TMEM9B: variants seen among roughly 807,000 people sequenced by gnomAD.
The protein encoded by TMEM9B is transmembrane protein 9B.
Under a neutral mutation model 23.5 loss-of-function variants are expected in TMEM9B, and 8 were observed. The ratio of observed to expected loss-of-function variants is 0.34; its 90% CI spans 0.20 to 0.61. The LOEUF is 0.61. Among genes scored for constraint, TMEM9B ranks in the 20% least tolerant of loss-of-function variants. TMEM9B has a pLI of 0.78. For synonymous variants in TMEM9B, 106 were observed against 96.3 expected (o/e 1.10, Z -0.59); for missense variants, 197 against 252.3 (o/e 0.78, Z 1.49).
Position 8,957,073 on chromosome 11 carries a change from G to A in TMEM9B, c.198-775C>T, listed in dbSNP as rs1853988521. ...TATGAATGACTAACCACGTTTAACAGCGTGGTAAATTCTGAAACTCTGAAA... is the reference window on the plus strand; with the variant it reads ...TATGAATGACTAACCACGTTTAACAACGTGGTAAATTCTGAAACTCTGAAA... On this transcript the variant is annotated intron_variant, in intron 2 of 4. Transcript: ENST00000534025. The surrounding 1 kb of genome is among the most constrained non-coding windows in gnomAD (Gnocchi z 4.3). 6.6e-6 allele frequency among the ~76,000 whole-genome samples: 1 copy of A among 152,188 alleles called. No individual in the cohort carries two copies. The highest frequency in any genetic ancestry group is 6.5e-5 in the Admixed American group (1 of 15,290).
chr11:8,961,754 C>A (rs1854087545), intron 2 of TMEM9B, among the ~76,000 whole-genome samples: 1 of 152,182 alleles, frequency 6.6e-6, no homozygotes, highest in African/African-American at 2.4e-5. Flanking sequence ...GGCTTGCTAA[C>A]CTTCCACTGA....
intron 3 of TMEM9B, among the ~76,000 whole-genome samples, chr11:8,954,843 A>C (rs1378629152): frequency 6.6e-6 from 1 of 151,980 alleles, no homozygotes; most frequent in African/African-American, 2.4e-5. Flanking sequence ...GGGGAAAGGA[A>C]TGGGAAGTGC....
In TMEM9B at chr11:8,947,612, T is replaced by TTAGAG. The variant is rs1013750938; in HGVS notation, c.*703_*707dup. 1 of 152,652 alleles carries TTAGAG rather than the reference T, an allele frequency of 6.6e-6. No homozygotes were observed. The highest frequency in any genetic ancestry group is 2.4e-5 in the African/African-American group (1 of 41,454). 9.5% of individuals were successfully genotyped at this position (152,652 alleles called of 1,614,324 possible). ...CACACACCAAGACTATGTTTAGTCT[T>TTAGAG]TAGAGTAAACTAGCAAATGGCCAGT... On this transcript the variant is annotated 3_prime_UTR_variant, in exon 5 of 5. Transcript: ENST00000534025.
At chr11:8,964,076 G>T (rs1031575846) in intron 1 of TMEM9B, 133 bp downstream of exon 1, 9 of 873,848 alleles carry the variant, frequency 1.0e-5, no homozygotes, top group Non-Finnish European at 1.5e-5. Flanking sequence ...TGGCGGCGGG[G>T]GTCTGCCGGA....
Position 8,948,448 on chromosome 11 carries a change from C to A in TMEM9B, c.469G>T (p.Asp157Tyr). The change falls in exon 5 of 5, where the codon GAT becomes TAT. Residue 157 changes from aspartate (D) to tyrosine (Y), a missense_variant. Physicochemically the swap from Asp to Tyr is radical, Grantham distance 160. Coordinates refer to ENST00000534025, the MANE Select transcript of TMEM9B (RefSeq NM_020644.3). ...GDHQPFANAH[D>Y]VLARSRSRAN... is the part of the protein sequence containing the mutation. ...CGACTGCGGGAGCGGGCTAGCACATCGTGTGCATTTGCAAAAGGCTGGTGA... is the reference window on the plus strand; with the variant it reads ...CGACTGCGGGAGCGGGCTAGCACATAGTGTGCATTTGCAAAAGGCTGGTGA... 1 of 1,613,994 alleles carries A rather than the reference C, an allele frequency of 6.2e-7. No homozygotes were observed. Among genetic ancestry groups the A allele is most frequent in the African/African-American group, 1.3e-5 (1 of 75,036 alleles).
chr11:8,959,259 T>G (rs376454378), intron 2 of TMEM9B, among the ~76,000 whole-genome samples: 1 of 152,234 alleles, frequency 6.6e-6, no homozygotes, highest in East Asian at 1.9e-4. Flanking sequence ...CTGGGCAACA[T>G]AGTGAGACCC....
chr11:8,953,072 G>GT (rs1408396873), intron 4 of TMEM9B, 131 bp downstream of exon 4: 4 of 1,123,260 alleles, frequency 3.6e-6, no homozygotes, highest in Non-Finnish European at 5.4e-6. Flanking sequence ...AATCAGAGCT[G>GT]TTTTTAGCTT....
rs142607733 is a variant in TMEM9B at position 8,954,356 on chromosome 11, C to A, written c.307-1019G>T. 4.8e-3 allele frequency among the ~76,000 whole-genome samples: 721 copies of A among 151,658 alleles called. 10 individuals carry two copies. The highest frequency in any genetic ancestry group is 0.017 in the African/African-American group (682 of 41,294). Reference sequence around the variant, plus strand: ...TCTCACTGGAGTGCAGTGGCACGATCTCAGCTCACTGCAACCTCTGCCTCC... The same window carrying A: ...TCTCACTGGAGTGCAGTGGCACGATATCAGCTCACTGCAACCTCTGCCTCC... On this transcript the variant is annotated intron_variant, in intron 3 of 4. Transcript: ENST00000534025.
intron 2 of TMEM9B, among the ~76,000 whole-genome samples, chr11:8,958,984 G>A (rs1854025808): frequency 1.3e-5 from 2 of 152,212 alleles, no homozygotes; most frequent in Non-Finnish European, 2.9e-5. Flanking sequence ...CCATAAAAGT[G>A]TGTGATATCT....
intron 2 of TMEM9B, among the ~76,000 whole-genome samples, chr11:8,961,776 G>A (rs922956223): frequency 1.3e-5 from 2 of 152,144 alleles, no homozygotes; most frequent in African/African-American, 4.8e-5. Flanking sequence ...AAGCAAGAGG[G>A]AGAAAGGTCC....
At chr11:8,963,589 G>A (rs1183663906) in intron 1 of TMEM9B, among the ~76,000 whole-genome samples, 1 of 152,220 alleles carries the variant, frequency 6.6e-6, no homozygotes, top group African/African-American at 2.4e-5. Context: ...AAGAGAGAAA[G>A]CAAGAAAGGC....
intron 4 of TMEM9B, among the ~76,000 whole-genome samples, chr11:8,950,214 C>A (rs1296965345): frequency 2.6e-5 from 4 of 151,988 alleles, no homozygotes; most frequent in Admixed American, 1.3e-4. Flanking sequence ...GACCCAAGGT[C>A]ATTTAACAAA....
intron 2 of TMEM9B, among the ~76,000 whole-genome samples, chr11:8,960,298 T>C (rs912824255): frequency 6.6e-6 from 1 of 152,074 alleles, no homozygotes; most frequent in Non-Finnish European, 1.5e-5. Context: ...TGTGCCACCA[T>C]GCCCAGCTAA....
chr11:8,955,949 G>A (rs923535460), intron 3 of TMEM9B, among the ~76,000 whole-genome samples: 2 of 152,194 alleles, frequency 1.3e-5, no homozygotes. Context: ...GGCCTACACA[G>A]AAGCTGGGAT....
intron 2 of TMEM9B, among the ~76,000 whole-genome samples, chr11:8,961,156 A>T (rs1177534927): frequency 1.3e-5 from 2 of 152,238 alleles, no homozygotes; most frequent in Non-Finnish European, 2.9e-5. Flanking sequence ...ATCAGGGAAG[A>T]ACAGACAGTG....
chr11:8,954,201 A>C (rs2568085), intron 3 of TMEM9B, among the ~76,000 whole-genome samples: 41,549 of 152,142 alleles, frequency 0.27, 6,219 homozygotes, highest in East Asian at 0.44. Context: ...ATGTATGCAG[A>C]GACAGAAAGT....
rs150162923 is a variant in TMEM9B at position 8,962,145 on chromosome 11, G to A, written c.144C>T (p.Pro48=). Residue 48 remains proline, a synonymous_variant, in exon 2 of 5, where the codon CCC becomes CCT. Transcript: ENST00000534025. ...AAATATGCCCAGAATTTTCTTTATA[G>A]GGAGGGCAGATACATTTACATCTGA... is the stretch of plus-strand genomic sequence containing the variant. ...EDVRCKCICP[P]YKENSGHIYN... 36 of 1,605,078 alleles carry A rather than the reference G, an allele frequency of 2.2e-5. No individual in the cohort carries two copies. The highest frequency in any genetic ancestry group is 2.9e-5 in the Non-Finnish European group (34 of 1,177,022).
intron 2 of TMEM9B, among the ~76,000 whole-genome samples, chr11:8,961,816 A>G (rs940239133): frequency 5.3e-5 from 8 of 152,204 alleles, no homozygotes; most frequent in African/African-American, 1.9e-4. Context: ...GTACAGCAAG[A>G]TAGCTATGGG....
At chr11:8,963,096 G>A (rs1229790634) in intron 1 of TMEM9B, among the ~76,000 whole-genome samples, 1 of 152,156 alleles carries the variant, frequency 6.6e-6, no homozygotes, top group Non-Finnish European at 1.5e-5. Context: ...CCATAACCAG[G>A]ACACACCCTA....
Sources: gnomAD v4.1 joint callset for allele counts (sites outside exome capture counted in the v4.1 genomes callset) on GRCh38, gnomAD v4.1.1 for gene constraint, Gnocchi (gnomAD v3.1) non-coding constraint, MANE v1.5 for transcripts, NCBI Gene and HGNC (gene_info 2026-07-23, HGNC 2026-07-21) for gene names.